MAGI2: variants seen among roughly 807,000 people sequenced by gnomAD.
MAGI2 encodes membrane associated guanylate kinase, WW and PDZ domain containing 2.
A neutral mutation model predicts 133.3 loss-of-function variants in MAGI2; 35 were observed. The observed-to-expected ratio is 0.26, with a 90% CI of 0.20 to 0.35. MAGI2 has a LOEUF of 0.35. Among genes scored for constraint, MAGI2 ranks in the 10% least tolerant of loss-of-function variants. The pLI, the probability that MAGI2 is intolerant of heterozygous loss-of-function variation, is 1.00. For missense variants in MAGI2, 1,636 were observed against 1,863.4 expected (o/e 0.88, Z 2.25); for synonymous variants, 729 against 710.6 (o/e 1.03, Z -0.41).
chr7:78,276,572 A>T (rs1263283191), intron 9 of MAGI2, among the ~76,000 whole-genome samples: 13 of 151,710 alleles, frequency 8.6e-5, no homozygotes, highest in Admixed American at 8.5e-4. Context: ...CTCTTTACTA[A>T]TTTTTTTTAA....
rs10526268 is a variant in MAGI2 at position 78,903,172 on chromosome 7, C to CTTTTTTTT, written c.418+103910_418+103917dup. Among the ~76,000 whole-genome samples the CTTTTTTTT allele has an allele frequency of 4.8e-4, 27 of 56,120 alleles. 2 individuals carry two copies. The highest frequency in any genetic ancestry group is 1.0e-3 in the South Asian group (1 of 1,002). The allele number at this position is 56,120 out of a possible 152,430, so 36.8% of individuals were successfully genotyped here. A position where few individuals can be genotyped will look rare whatever the true frequency, so the allele number is the denominator to read the frequency against. ...TTCATGCAAGTGGGAGTTCCTGAAT[C>CTTTTTTTT]TTTTTTTTTTTTTTTTTTTTTTTTT... On this transcript the variant is annotated intron_variant, in intron 2 of 21. Transcript: ENST00000354212.
chr7:78,365,611 C>T (rs1419096996), intron 7 of MAGI2, among the ~76,000 whole-genome samples: 1 of 152,108 alleles, frequency 6.6e-6, no homozygotes, highest in Non-Finnish European at 1.5e-5. Context: ...GCACTGAGCC[C>T]AGTTAATGGC....
At chr7:78,879,776 T>A (rs1235821886) in intron 2 of MAGI2, among the ~76,000 whole-genome samples, 1 of 152,030 alleles carries the variant, frequency 6.6e-6, no homozygotes, top group East Asian at 1.9e-4. Flanking sequence ...ATTCAAAGCA[T>A]GTATTGCAAA....
chr7:78,657,583 C>T (rs1318613249), intron 2 of MAGI2, among the ~76,000 whole-genome samples: 1 of 152,014 alleles, frequency 6.6e-6, no homozygotes, highest in Non-Finnish European at 1.5e-5. Flanking sequence ...CTGTATGATT[C>T]CAACTATATG....
intron 1 of MAGI2, among the ~76,000 whole-genome samples, chr7:79,434,805 G>A (rs947215814): frequency 2.0e-5 from 3 of 152,032 alleles, no homozygotes; most frequent in African/African-American, 4.8e-5. Flanking sequence ...CATTATTCTG[G>A]GTGTTTCTGC....
At position 78,563,337 on chromosome 7, in the gene MAGI2, G is replaced by A. The variant is rs77460170; in HGVS notation, c.539-41692C>T. 7.6e-3 allele frequency among the ~76,000 whole-genome samples: 1,153 copies of A among 152,240 alleles called. 6 individuals carry two copies. Among genetic ancestry groups the A allele is most frequent in the Middle Eastern group, 0.017 (5 of 294 alleles). On this transcript the variant is annotated intron_variant, in intron 3 of 21. Transcript: ENST00000354212. ...GGACTGCTTCGCAGAGACCATGGGG[G>A]CTGCATTCAATGCTCAAAGGTCACC...
chr7:79,376,901 C>G (rs943906896), intron 1 of MAGI2, among the ~76,000 whole-genome samples: 17 of 151,320 alleles, frequency 1.1e-4, no homozygotes, highest in African/African-American at 4.1e-4. Context: ...CATCCATATG[C>G]AGCTTCCTGT....
chr7:78,254,576 G>A (rs958199739), intron 10 of MAGI2: 2 of 152,136 alleles, frequency 1.3e-5, no homozygotes, highest in African/African-American at 4.8e-5. Context: ...TTAGTACCGG[G>A]AACCTAAGAC....
At chr7:78,117,853 T>G (rs1357135393) in intron 20 of MAGI2, among the ~76,000 whole-genome samples, 6 of 152,202 alleles carry the variant, frequency 3.9e-5, no homozygotes, top group Non-Finnish European at 7.4e-5. Context: ...TTCAGTTGCC[T>G]TTCTCTTCAC....
intron 21 of MAGI2, among the ~76,000 whole-genome samples, chr7:78,025,764 G>C (rs769218859): frequency 6.6e-6 from 1 of 152,190 alleles, no homozygotes; most frequent in Non-Finnish European, 1.5e-5. Context: ...GCCAGCCACA[G>C]AAATACACTG....
chr7:78,481,061 G>T (rs75318979), intron 6 of MAGI2, among the ~76,000 whole-genome samples: 1 of 151,802 alleles, frequency 6.6e-6, no homozygotes, highest in Non-Finnish European at 1.5e-5. Flanking sequence ...TTCTAGAAAA[G>T]CTTCTCCTAA....
At chr7:79,295,662 G>A (rs1451286836) in intron 1 of MAGI2, among the ~76,000 whole-genome samples, 2 of 151,908 alleles carry the variant, frequency 1.3e-5, no homozygotes, top group Admixed American at 6.6e-5. Flanking sequence ...TCTGGTCTAG[G>A]GGAGGTGGTA....
At chr7:78,336,727 A>C (rs1402148960) in intron 9 of MAGI2, among the ~76,000 whole-genome samples, 1 of 152,100 alleles carries the variant, frequency 6.6e-6, no homozygotes, top group Non-Finnish European at 1.5e-5. Context: ...TCTGTCAAGA[A>C]AAAGATGATG....
chr7:79,165,033 T>C (rs1197050214), intron 1 of MAGI2, among the ~76,000 whole-genome samples: 1 of 152,098 alleles, frequency 6.6e-6, no homozygotes, highest in Non-Finnish European at 1.5e-5. Flanking sequence ...CCTCTCTTGT[T>C]TCTAAAAATC....
At chr7:78,503,076 G>T (rs534199130) in intron 4 of MAGI2, among the ~76,000 whole-genome samples, 1 of 151,930 alleles carries the variant, frequency 6.6e-6, no homozygotes, top group Non-Finnish European at 1.5e-5. Flanking sequence ...AGGAACAAAA[G>T]AGCATCAGAC....
intron 2 of MAGI2, among the ~76,000 whole-genome samples, chr7:78,943,174 T>C (rs1479948201): frequency 6.6e-6 from 1 of 152,092 alleles, no homozygotes; most frequent in Non-Finnish European, 1.5e-5. Flanking sequence ...AAAAACATCT[T>C]GCAAACAGTA....
intron 1 of MAGI2, among the ~76,000 whole-genome samples, chr7:79,097,774 T>C (rs1223065719): frequency 6.6e-6 from 1 of 152,206 alleles, no homozygotes; most frequent in East Asian, 1.9e-4. Flanking sequence ...TTGGGACATT[T>C]TATCTACATA....
intron 1 of MAGI2, among the ~76,000 whole-genome samples, chr7:79,380,109 A>G (rs1433366008): frequency 6.6e-6 from 1 of 151,866 alleles, no homozygotes; most frequent in Non-Finnish European, 1.5e-5. Flanking sequence ...TGTCTAAGAC[A>G]CCAAAAGCAA....
chr7:78,801,682 A>G (rs369472311), intron 2 of MAGI2, among the ~76,000 whole-genome samples: 10 of 152,122 alleles, frequency 6.6e-5, no homozygotes, highest in African/African-American at 2.4e-4. Flanking sequence ...CCAACATTTC[A>G]TGTAAGTCAT....
Sources: gnomAD v4.1 joint callset for allele counts (sites outside exome capture counted in the v4.1 genomes callset) on GRCh38, gnomAD v4.1.1 for gene constraint, MANE v1.5 for transcripts, NCBI Gene and HGNC (gene_info 2026-07-23, HGNC 2026-07-21) for gene names.